The following NID2 variants were observed in gnomAD, a reference collection of about 807,000 sequenced individuals.
The protein encoded by NID2 is nidogen 2, also known as nidogen-2.
Under a neutral mutation model 145.4 loss-of-function variants are expected in NID2, and 83 were observed. The observed-to-expected ratio is 0.57, with a 90% CI of 0.48 to 0.69. The LOEUF is 0.69. NID2 is among the 30% of genes least tolerant of loss of function. The pLI is 0.00. For missense variants in NID2, 1,807 were observed against 1,765.7 expected, an observed-to-expected ratio of 1.02 and a Z score of -0.42; for synonymous variants, 739 against 701.3, an observed-to-expected ratio of 1.05 and a Z score of -0.85.
chr14:52,005,508 G>A lies in NID2; in HGVS notation c.4118-12C>T. 1 of 1,597,146 alleles carries A rather than the reference G, an allele frequency of 6.3e-7. No individual in the cohort carries two copies. The highest frequency in any genetic ancestry group is 1.1e-5 in the South Asian group (1 of 87,868). On this transcript the variant is annotated splice_polypyrimidine_tract_variant and intron_variant, in intron 21 of 21. Transcript: ENST00000216286. ...TACTTACTTTCTTCCTGTGAGAGAA[G>A]AGCAGGGGTGGGACAGGGTGGTGGG...
intron 9 of NID2, among the ~76,000 whole-genome samples, chr14:52,032,325 A>G (rs923859679): frequency 2.6e-5 from 4 of 152,226 alleles, no homozygotes; most frequent in Non-Finnish European, 5.9e-5. Context: ...ACAAAGGACC[A>G]ATAAATAATT....
intron 16 of NID2, among the ~76,000 whole-genome samples, chr14:52,012,730 A>T (rs1006628414): frequency 2.2e-4 from 33 of 152,082 alleles, no homozygotes; most frequent in Non-Finnish European, 4.3e-4. Flanking sequence ...TAATAAAAAT[A>T]AAAAAAATGC....
chr14:52,018,604 A>G (rs1334495744), intron 14 of NID2, among the ~76,000 whole-genome samples: 2 of 152,196 alleles, frequency 1.3e-5, no homozygotes, highest in African/African-American at 4.8e-5. Context: ...TATTTTTCTA[A>G]TTTTTCCTAT....
intron 5 of NID2, among the ~76,000 whole-genome samples, chr14:52,047,623 G>C (rs1566767739): frequency 6.6e-6 from 1 of 152,156 alleles, no homozygotes; most frequent in Non-Finnish European, 1.5e-5. Flanking sequence ...AAGGGCCCAG[G>C]TCTGGGATAT....
chr14:52,051,972 G>C (rs993226035), intron 5 of NID2, among the ~76,000 whole-genome samples: 2 of 152,116 alleles, frequency 1.3e-5, no homozygotes, highest in African/African-American at 4.8e-5. Flanking sequence ...CCCAAAGCAG[G>C]GTGTGCAGTC....
chr14:52,048,611 T>C lies in NID2; in HGVS notation c.1429+4968A>G, dbSNP rs118102900. Among the ~76,000 whole-genome samples, 1,294 of 152,296 alleles carry C rather than the reference T, an allele frequency of 8.5e-3. 6 individuals are homozygous for C. The highest frequency in any genetic ancestry group is 0.021 in the South Asian group (101 of 4,826). ...CTATTCTAGTTAGAAGATATCTCCA[T>C]TTTATAAATGAGAAAATTGAGGCCT... On this transcript the variant is annotated intron_variant, in intron 5 of 21. Transcript: ENST00000216286.
chr14:52,029,461 A>G, intron 10 of NID2, 86 bp downstream of exon 10: 1 of 1,298,466 alleles, frequency 7.7e-7, no homozygotes, highest in Non-Finnish European at 1.1e-6. Flanking sequence ...AAGGTGACAG[A>G]TACTTGTCTT....
chr14:52,030,725 C>G (rs1891831657), intron 9 of NID2, among the ~76,000 whole-genome samples: 1 of 151,816 alleles, frequency 6.6e-6, no homozygotes, highest in Non-Finnish European at 1.5e-5. Flanking sequence ...GTGGCCCATG[C>G]TTGTAGTCCC....
intron 14 of NID2, among the ~76,000 whole-genome samples, chr14:52,018,793 C>T (rs1319607496): frequency 2.0e-5 from 3 of 152,180 alleles, no homozygotes; most frequent in Non-Finnish European, 4.4e-5. Flanking sequence ...TCAGTCTGAC[C>T]TACATACACA....
In NID2 at chr14:52,038,882, C is replaced by T; in HGVS notation, c.2122G>A (p.Val708Met). 6.2e-7 allele frequency: 1 copy of T among 1,614,122 alleles called. No homozygotes were observed. The highest frequency in any genetic ancestry group is 1.1e-5 in the South Asian group (1 of 91,074). ...YRIHQNITYQ[V>M]CRHAPRHPSF... is the part of the protein sequence containing the mutation. ...GGGTGTCTGGGGGCGTGCCTGCACA[C>T]CTGGTAAGTGATGTTCTGGTGGATG... Residue 708 changes from valine (V) to methionine (M), a missense_variant, in exon 9 of 22, where the codon GTG (valine) becomes ATG (methionine). Val to Met is a conservative substitution (Grantham distance 21). Transcript: ENST00000216286.
intron 5 of NID2, among the ~76,000 whole-genome samples, chr14:52,045,684 A>G (rs1428942938): frequency 6.6e-6 from 1 of 152,172 alleles, no homozygotes; most frequent in Non-Finnish European, 1.5e-5. Context: ...TGTAACTTGG[A>G]TGTGTCAAAA....
intron 12 of NID2, among the ~76,000 whole-genome samples, chr14:52,023,171 C>T (rs928961469): frequency 2.0e-5 from 3 of 152,162 alleles, no homozygotes; most frequent in African/African-American, 4.8e-5. Context: ...ATCATGCTTT[C>T]GTTATCAAAG....
At chr14:52,051,168 CT>C (rs1158858241) in intron 5 of NID2, among the ~76,000 whole-genome samples, 2 of 140,204 alleles carry the variant, frequency 1.4e-5, no homozygotes, top group African/African-American at 5.2e-5. Flanking sequence ...AAAGAAAGGT[CT>C]GTAAAATGAG....
At chr14:52,012,331 C>G (rs1891060845) in intron 16 of NID2, among the ~76,000 whole-genome samples, 1 of 152,198 alleles carries the variant, frequency 6.6e-6, no homozygotes, top group Non-Finnish European at 1.5e-5. Context: ...TAGTCAGGCA[C>G]AGTGACTCAC....
chr14:52,019,406 G>A (rs189227708), intron 13 of NID2, 112 bp from the exon 14 acceptor site: 22 of 749,030 alleles, frequency 2.9e-5, no homozygotes, highest in African/African-American at 1.2e-4. Flanking sequence ...TTTGGAGCCC[G>A]AGATTCTTAT....
At chr14:52,065,513 T>TATTTATTTATTC (rs1893168045) in intron 2 of NID2, among the ~76,000 whole-genome samples, 1 of 139,952 alleles carries the variant, frequency 7.1e-6, no homozygotes, top group Non-Finnish European at 1.5e-5. Flanking sequence ...TTTATTTATT[T>TATTTATTTATTC]TTTATTATAC....
intron 18 of NID2, chr14:52,008,199 GCT>G: frequency 2.5e-6 from 1 of 394,770 alleles, no homozygotes; most frequent in South Asian, 4.5e-5. Context: ...TGCCTTAGGG[GCT>G]CTCTCTTGCT....
intron 3 of NID2, 39 bp downstream of exon 3, chr14:52,060,085 T>C (rs758817979): frequency 9.7e-5 from 140 of 1,447,824 alleles, no homozygotes; most frequent in Non-Finnish European, 1.3e-4. Context: ...AAAGTCCTTA[T>C]ATTCAAATAG....
At chr14:52,052,745 C>G (rs1391649017) in intron 5 of NID2, among the ~76,000 whole-genome samples, 1 of 152,200 alleles carries the variant, frequency 6.6e-6, no homozygotes, top group Non-Finnish European at 1.5e-5. Flanking sequence ...ACAAAGCAGT[C>G]ACCTCTGACC....
Sources: gnomAD v4.1 joint callset for allele counts (sites outside exome capture counted in the v4.1 genomes callset) on GRCh38, gnomAD v4.1.1 for gene constraint, MANE v1.5 for transcripts, NCBI Gene and HGNC (gene_info 2026-07-23, HGNC 2026-07-21) for gene names.